Variants in PRDM6 observed in about 807,000 individuals in gnomAD.
PRDM6 encodes the protein PR/SET domain 6.
PRDM6 carries 25 observed loss-of-function variants against 60.8 expected under a neutral mutation model. The ratio of observed to expected loss-of-function variants is 0.41; its 90% confidence interval spans 0.30 to 0.57. PRDM6 has a LOEUF of 0.57. Among genes scored for constraint, PRDM6 ranks in the 20% least tolerant of loss-of-function variants. The probability of loss-of-function intolerance (pLI) is 0.27; values close to 1 mark genes in which losing one functional copy is unlikely to be tolerated. For missense variants in PRDM6, 839 were observed against 821.3 expected, an observed-to-expected ratio of 1.02 and a Z score of -0.26; for synonymous variants, 407 against 357.4, an observed-to-expected ratio of 1.14 and a Z score of -1.57.
intron 3 of PRDM6, among the ~76,000 whole-genome samples, chr5:123,137,952 T>C (rs1470519297): frequency 6.6e-6 from 1 of 152,082 alleles, no homozygotes; most frequent in Non-Finnish European, 1.5e-5. Flanking sequence ...TGTGATGGTA[T>C]GGGTGGTATA....
intron 5 of PRDM6, among the ~76,000 whole-genome samples, chr5:123,167,073 A>G (rs1009189475): frequency 1.3e-5 from 2 of 152,220 alleles, no homozygotes; most frequent in Admixed American, 1.3e-4. Flanking sequence ...GGACATAGTC[A>G]GTGAGGCTGA....
intron 7 of PRDM6, among the ~76,000 whole-genome samples, chr5:123,184,972 G>T (rs1286909363): frequency 1.3e-5 from 2 of 152,102 alleles, no homozygotes; most frequent in East Asian, 3.9e-4. Context: ...CTCTAGAAAT[G>T]ATTTTTCTGG....
At chr5:123,095,821 C>T (rs1460854771) in intron 2 of PRDM6, among the ~76,000 whole-genome samples, 2 of 152,230 alleles carry the variant, frequency 1.3e-5, no homozygotes, top group Non-Finnish European at 2.9e-5. Context: ...GTTGGCCTCT[C>T]CACACACCAA....
At position 123,099,658 on chromosome 5, in the gene PRDM6, C is replaced by T; in HGVS notation, c.597C>T (p.Cys199=). The change falls in exon 3 of 8, where the codon TGC becomes TGT. Residue 199 remains cysteine (C), a synonymous_variant. Transcript: ENST00000407847. The surrounding 1 kb of genome is among the most constrained non-coding windows in gnomAD (Gnocchi z 4.0). ...CCTCCTTCTTGTCTCCCGCAGGTTG[C>T]GACATGTGCGCGGACAACCGCAACG... ...NQHTSDPNNR[C]DMCADNRNGE... 5 of 1,456,208 alleles carry T rather than the reference C, an allele frequency of 3.4e-6. No individual in the cohort carries two copies. The highest frequency in any genetic ancestry group is 4.5e-6 in the Non-Finnish European group (5 of 1,100,690). The allele number at this position is 1,456,208 out of a possible 1,614,324, so 90.2% of individuals were successfully genotyped here. A position where few individuals can be genotyped will look rare whatever the true frequency, so the allele number is the denominator to read the frequency against.
At chr5:123,107,879 T>G (rs971891993) in intron 3 of PRDM6, among the ~76,000 whole-genome samples, 2 of 152,258 alleles carry the variant, frequency 1.3e-5, no homozygotes, top group African/African-American at 2.4e-5. Flanking sequence ...ATTTTCATTT[T>G]TAGTTAGTTG....
At chr5:123,138,546 G>T (rs1016851847) in intron 3 of PRDM6, among the ~76,000 whole-genome samples, 2 of 152,166 alleles carry the variant, frequency 1.3e-5, no homozygotes, top group Non-Finnish European at 2.9e-5. Context: ...CTTTATTCAA[G>T]TCATACTTTA....
intron 3 of PRDM6, among the ~76,000 whole-genome samples, chr5:123,105,201 A>T (rs1230073829): frequency 6.6e-6 from 1 of 152,238 alleles, no homozygotes; most frequent in Non-Finnish European, 1.5e-5. Flanking sequence ...ATAATTCACA[A>T]ATATTTACTG....
chr5:123,092,521 A>G (rs768897683), intron 2 of PRDM6, among the ~76,000 whole-genome samples: 1 of 152,218 alleles, frequency 6.6e-6, no homozygotes, highest in African/African-American at 2.4e-5. Context: ...ATAGATTCCT[A>G]ATTAATATAT....
At chr5:123,130,188 TTC>T (rs1764798017) in intron 3 of PRDM6, among the ~76,000 whole-genome samples, 1 of 60,120 alleles carries the variant, frequency 1.7e-5, no homozygotes, top group Admixed American at 1.6e-4. Flanking sequence ...TTCCCTTCCC[TTC>T]CCTTCCTCTC....
intron 3 of PRDM6, among the ~76,000 whole-genome samples, chr5:123,123,461 A>G (rs1205043292): frequency 1.3e-5 from 2 of 152,230 alleles, no homozygotes; most frequent in Non-Finnish European, 2.9e-5. Context: ...TTACTTTTAC[A>G]TACTGCATTG....
At chr5:123,142,713 T>A (rs1765132902) in intron 3 of PRDM6, among the ~76,000 whole-genome samples, 1 of 151,880 alleles carries the variant, frequency 6.6e-6, no homozygotes, top group Admixed American at 6.6e-5. Flanking sequence ...CCCACACACA[T>A]GATTTCTAAC....
intron 7 of PRDM6, among the ~76,000 whole-genome samples, chr5:123,185,481 G>A (rs933098802): frequency 5.3e-5 from 8 of 152,158 alleles, no homozygotes; most frequent in African/African-American, 1.4e-4. Context: ...GCCCACGGAC[G>A]TTAATGAATA....
rs1396453003 is a variant in PRDM6 at position 123,111,622 on chromosome 5, C to CG, written c.900+11667dup. Among the ~76,000 whole-genome samples, 14 of 151,356 alleles carry CG rather than the reference C, an allele frequency of 9.2e-5. No individual in the cohort carries two copies. In the East Asian group the frequency reaches 2.1e-3, roughly 23 times the overall value. ...CTGAGGCAGGAGAATGGCGTGAACC[C>CG]GGGGGGCGGAGCTTGCAGTGATCCA... On this transcript the variant is annotated intron_variant, in intron 3 of 7. Coordinates refer to ENST00000407847, the MANE Select transcript of PRDM6 (RefSeq NM_001136239.4).
chr5:123,094,200 G>A (rs982011734), intron 2 of PRDM6, among the ~76,000 whole-genome samples: 1 of 152,182 alleles, frequency 6.6e-6, no homozygotes, highest in African/African-American at 2.4e-5. Context: ...ACAAAGGAGG[G>A]CGAGTGTTTT....
At chr5:123,094,488 AAC>A (rs1763914857) in intron 2 of PRDM6, among the ~76,000 whole-genome samples, 1 of 150,640 alleles carries the variant, frequency 6.6e-6, no homozygotes, top group South Asian at 2.1e-4. Context: ...CTCATCCCAT[AAC>A]ACACATGATT....
chr5:123,168,584 T>G (rs976793527), intron 5 of PRDM6, among the ~76,000 whole-genome samples: 1 of 152,210 alleles, frequency 6.6e-6, no homozygotes, highest in African/African-American at 2.4e-5. Context: ...GTTGGGAAAC[T>G]TTAAAAAATG....
rs116372092 is a variant in PRDM6 at position 123,168,819 on chromosome 5, A to G, written c.1154-1947A>G. ...TCCTCTGGTTGGATTTGCTTAACAC[A>G]TGTGATGCTGCAGAATGTTCTCAGT... On this transcript the variant is annotated intron_variant, in intron 5 of 7. Coordinates refer to ENST00000407847, the MANE Select transcript of PRDM6 (RefSeq NM_001136239.4). Among the ~76,000 whole-genome samples the G allele has an allele frequency of 3.9e-3, 596 of 152,330 alleles. 1 individual carries two copies. The highest frequency in any genetic ancestry group is 6.2e-3 in the Non-Finnish European group (421 of 68,024).
rs376274919 is a variant in PRDM6 at position 123,127,710 on chromosome 5, CTCTTTCTT to C, written c.900+27764_900+27771del. On this transcript the variant is annotated intron_variant, in intron 3 of 7. Coordinates refer to ENST00000407847, the MANE Select transcript of PRDM6 (RefSeq NM_001136239.4). The stretch of plus-strand genomic sequence containing the variant: ...TTCTTTTCTTTCTCTTTCTTTCTTT[CTCTTTCTT>C]TCTTTCTTTCTTTCCTTCTTTCCTT... Among the ~76,000 whole-genome samples the C allele has an allele frequency of 1.3e-4, 18 of 141,544 alleles. 1 individual carries two copies. Among genetic ancestry groups the C allele is most frequent in the African/African-American group, 4.0e-4 (14 of 35,096 alleles). The allele number at this position is 141,544 out of a possible 152,430, so 92.9% of individuals were successfully genotyped here.
intron 7 of PRDM6, among the ~76,000 whole-genome samples, 163 bp downstream of exon 7, chr5:123,180,486 T>G (rs749259946): frequency 5.9e-5 from 9 of 152,214 alleles, no homozygotes; most frequent in Admixed American, 6.5e-5. Flanking sequence ...TGGCTGACAT[T>G]TGAAAAATGA....
Sources: gnomAD v4.1 joint callset for allele counts (sites outside exome capture counted in the v4.1 genomes callset) on GRCh38, gnomAD v4.1.1 for gene constraint, Gnocchi (gnomAD v3.1) non-coding constraint, MANE v1.5 for transcripts, NCBI Gene and HGNC (gene_info 2026-07-23, HGNC 2026-07-21) for gene names.